The following CFAP221 variants were observed in gnomAD, a reference collection of about 807,000 sequenced individuals.
CFAP221 encodes the protein cilia and flagella associated protein 221.
CFAP221 carries 97 observed loss-of-function variants against 113.1 expected under a neutral mutation model. The observed-to-expected ratio is 0.86, with a 90% CI of 0.73 to 1.02. The LOEUF is 1.02. Among genes scored for constraint, CFAP221 ranks in the 50% least tolerant of loss-of-function variants. The pLI is 0.00. For synonymous variants in CFAP221, 331 were observed against 354.4 expected, an observed-to-expected ratio of 0.93 and a Z score of 0.74; for missense variants, 1,025 against 1,013.4, an observed-to-expected ratio of 1.01 and a Z score of -0.16.
chr2:119,545,456 A>G (rs1679984546), intron 1 of CFAP221, among the ~76,000 whole-genome samples: 1 of 152,202 alleles, frequency 6.6e-6, no homozygotes, highest in Non-Finnish European at 1.5e-5. Context: ...GTGTTAAGGG[A>G]AGGCAAATCG....
At chr2:119,550,749 TTTA>T (rs1680362734) in intron 3 of CFAP221, among the ~76,000 whole-genome samples, 1 of 152,262 alleles carries the variant, frequency 6.6e-6, no homozygotes, top group African/African-American at 2.4e-5. Context: ...TGAGTGATCA[TTTA>T]TTACCATAAA....
chr2:119,598,732 C>G (rs116023560), intron 7 of CFAP221, among the ~76,000 whole-genome samples: 16 of 152,300 alleles, frequency 1.1e-4, no homozygotes, highest in Admixed American at 3.9e-4. Flanking sequence ...ATCTGCTGCT[C>G]CCTGTGTTAA....
chr2:119,549,110 TA>T lies in CFAP221; in HGVS notation c.167del (p.Lys56ArgfsTer9). ...SKVYAKLVNN[K>X]VIQARPGIIH... ...AGGTTTATGCAAAACTTGTGAATAATAAGGTCATACAGGCAAGACCTGGCAT... is the reference window on the plus strand; with the variant it reads ...AGGTTTATGCAAAACTTGTGAATAATAGGTCATACAGGCAAGACCTGGCAT... On this transcript the variant is annotated frameshift_variant, in exon 3 of 24. Coordinates refer to ENST00000413369, the MANE Select transcript of CFAP221 (RefSeq NM_001271049.2). LOFTEE classifies it high-confidence loss of function. The T allele has an allele frequency of 6.5e-7, 1 of 1,532,650 alleles. No individual in the cohort carries two copies. Among genetic ancestry groups the T allele is most frequent in the Non-Finnish European group, 8.7e-7 (1 of 1,145,926 alleles). The allele number at this position is 1,532,650 out of a possible 1,614,324, so 94.9% of individuals were successfully genotyped here. A position where few individuals can be genotyped will look rare whatever the true frequency, so the allele number is the denominator to read the frequency against.
In CFAP221 at chr2:119,615,639, A is replaced by G. The variant is rs758173539; in HGVS notation, c.1340A>G (p.Asp447Gly). Residue 447 changes from aspartate (D) to glycine (G), a missense_variant, in exon 14 of 24, where the codon GAT becomes GGT. Physicochemically the swap from Asp to Gly is moderately conservative, Grantham distance 94. Coordinates refer to ENST00000413369, the MANE Select transcript of CFAP221 (RefSeq NM_001271049.2). ...EKIKEFHPTFDPLINNTWLSR... is the reference protein window; with the variant it reads ...EKIKEFHPTFGPLINNTWLSR... ...ATCAAGGAATTTCATCCTACTTTTG[A>G]TCCACTCATTAATAACACTTGGCTC... is the stretch of plus-strand genomic sequence containing the variant. 3 of 1,610,920 alleles carry G rather than the reference A, an allele frequency of 1.9e-6. No individual in the cohort carries two copies. The highest frequency in any genetic ancestry group is 2.5e-6 in the Non-Finnish European group (3 of 1,178,720).
intron 21 of CFAP221, among the ~76,000 whole-genome samples, chr2:119,642,106 G>A (rs1185804942): frequency 6.6e-6 from 1 of 152,066 alleles, no homozygotes; most frequent in Non-Finnish European, 1.5e-5. Context: ...GAAAACTCTC[G>A]AACCATGAGT....
intron 2 of CFAP221, among the ~76,000 whole-genome samples, chr2:119,548,284 G>T (rs181688338): frequency 3.9e-5 from 6 of 152,290 alleles, no homozygotes; most frequent in Admixed American, 6.5e-5. Context: ...ATTACCAGCT[G>T]TGGGCAAGTT....
Position 119,602,695 on chromosome 2 carries a change from G to A in CFAP221, c.791+1318G>A, listed in dbSNP as rs914971430. 3.6e-5 allele frequency: 35 copies of A among 985,172 alleles called. No individual in the cohort carries two copies. In the African/African-American group the frequency reaches 5.1e-4, roughly 14 times the overall value. 61.0% of individuals were successfully genotyped at this position (985,172 alleles called of 1,614,324 possible). A position where few individuals can be genotyped will look rare whatever the true frequency, so the allele number is the denominator to read the frequency against. On this transcript the variant is annotated intron_variant, in intron 8 of 23. Coordinates refer to ENST00000413369, the MANE Select transcript of CFAP221 (RefSeq NM_001271049.2). ...CAAATAACCATCATTGAAATCACTC[G>A]GGCAACAAACAAGTAGAACTGAACA...
intron 14 of CFAP221, among the ~76,000 whole-genome samples, chr2:119,619,407 G>A (rs1685744158): frequency 6.6e-6 from 1 of 152,220 alleles, no homozygotes; most frequent in Admixed American, 6.5e-5. Context: ...AGCAATCTTT[G>A]CTGTTCTGCA....
At position 119,546,285 on chromosome 2, in the gene CFAP221, G is replaced by A. The variant is rs1480080829; in HGVS notation, c.139+15G>A. The A allele has an allele frequency of 6.5e-7, 1 of 1,532,124 alleles. No individual in the cohort carries two copies. Among genetic ancestry groups the A allele is most frequent in the Non-Finnish European group, 8.7e-7 (1 of 1,145,656 alleles). The allele number at this position is 1,532,124 out of a possible 1,614,324, so 94.9% of individuals were successfully genotyped here. ...CCTAGAATCAAGTAAGTGGCTAGAA[G>A]ACAGATTTGCTTTACAGCTCACATC... On this transcript the variant is annotated intron_variant, in intron 2 of 23. Transcript: ENST00000413369.
intron 19 of CFAP221, among the ~76,000 whole-genome samples, chr2:119,632,935 G>T (rs1048779388): frequency 2.6e-5 from 4 of 151,952 alleles, no homozygotes; most frequent in Admixed American, 2.6e-4. Flanking sequence ...TGACAAAAAT[G>T]TATAAGACCA....
At chr2:119,605,046 G>C in intron 10 of CFAP221, 59 bp downstream of exon 10, 1 of 1,530,324 alleles carries the variant, frequency 6.5e-7, no homozygotes, top group Non-Finnish European at 9.0e-7. Context: ...AGTCATTGCT[G>C]GTCACACTGA....
intron 7 of CFAP221, among the ~76,000 whole-genome samples, chr2:119,595,983 G>A (rs1683938826): frequency 6.6e-6 from 1 of 152,096 alleles, no homozygotes. Context: ...TGGCCAGGGT[G>A]TGTGAGCAAG....
chr2:119,590,148 A>T (rs547712448), intron 7 of CFAP221: 5 of 152,220 alleles, frequency 3.3e-5, no homozygotes, highest in Admixed American at 6.5e-5. Context: ...GTGGCTGGCT[A>T]AGCAAGAGTT....
intron 14 of CFAP221, among the ~76,000 whole-genome samples, chr2:119,623,491 T>C (rs1341835786): frequency 6.6e-6 from 1 of 152,230 alleles, no homozygotes; most frequent in African/African-American, 2.4e-5. Context: ...GCCATTGACT[T>C]TCTTCACAGA....
chr2:119,658,557 C>T (rs1688524217), downstream of CFAP221, among the ~76,000 whole-genome samples: 2 of 151,892 alleles, frequency 1.3e-5, no homozygotes, highest in African/African-American at 4.8e-5. Flanking sequence ...CAATTGCTTC[C>T]GAGCCCTCTC....
intron 14 of CFAP221, among the ~76,000 whole-genome samples, chr2:119,625,365 A>G (rs1686225725): frequency 6.6e-6 from 1 of 152,210 alleles, no homozygotes. Flanking sequence ...CCAGATGACA[A>G]CTTGATCTTT....
At chr2:119,654,390 G>A (rs919388215) in intron 23 of CFAP221, among the ~76,000 whole-genome samples, 4 of 151,818 alleles carry the variant, frequency 2.6e-5, no homozygotes, top group African/African-American at 7.3e-5. Context: ...CTGACCTAGG[G>A]TTTTAAATGA....
rs1251134431 is a variant in CFAP221, at chr2:119,604,991, A to G, written c.1024+4A>G. On this transcript the variant is annotated splice_donor_region_variant and intron_variant, in intron 10 of 23. Coordinates refer to ENST00000413369, the MANE Select transcript of CFAP221 (RefSeq NM_001271049.2). Reference sequence around the variant, plus strand: ...AAGATTAAAGAATTAAGAGAAGGTAACCAGTTGATTGGCCATAAAGCAGCC... The same window carrying G: ...AAGATTAAAGAATTAAGAGAAGGTAGCCAGTTGATTGGCCATAAAGCAGCC... 6.2e-7 allele frequency: 1 copy of G among 1,612,604 alleles called. No individual in the cohort carries two copies. The highest frequency in any genetic ancestry group is 8.5e-7 in the Non-Finnish European group (1 of 1,178,808).
chr2:119,583,090 G>C (rs1682959000), intron 6 of CFAP221, among the ~76,000 whole-genome samples: 1 of 152,010 alleles, frequency 6.6e-6, no homozygotes, highest in East Asian at 1.9e-4. Context: ...TTTTCAGGAA[G>C]CTTGAAAATG....
Sources: gnomAD v4.1 joint callset for allele counts (sites outside exome capture counted in the v4.1 genomes callset) on GRCh38, gnomAD v4.1.1 for gene constraint, MANE v1.5 for transcripts, NCBI Gene and HGNC (gene_info 2026-07-23, HGNC 2026-07-21) for gene names.